The following CRYGD variants were observed in gnomAD, a reference collection of about 807,000 sequenced individuals.
CRYGD encodes the protein gamma-crystallin D.
Under a neutral mutation model 11.3 loss-of-function variants are expected in CRYGD, and 13 were observed. The observed-to-expected ratio is 1.15, with a 90% CI of 0.75 to 1.83. The LOEUF is 1.83. Among genes scored for constraint, CRYGD ranks in the 40% most tolerant of loss-of-function variants. CRYGD has a pLI of 0.00. For synonymous variants in CRYGD, 77 were observed against 89.5 expected (o/e 0.86, Z 0.79); for missense variants, 231 against 229.9 (o/e 1.00, Z -0.03).
rs778885136 is a variant in CRYGD at position 208,124,208 on chromosome 2, C to T, written c.156G>A (p.Ser52=). The part of the protein sequence containing the change: ...CWMLYEQPNY[S]GLQYFLRRGD... Reference sequence around the variant, plus strand: ...CGCGGCGCAGGAAGTACTGGAGGCCCGAGTAGTTGGGCTGCTCATAGAGCA... The same window carrying T: ...CGCGGCGCAGGAAGTACTGGAGGCCTGAGTAGTTGGGCTGCTCATAGAGCA... The change falls in exon 2 of 3, where the codon TCG becomes TCA. Residue 52 remains serine, a synonymous_variant. Transcript: ENST00000264376. 1.9e-6 allele frequency: 3 copies of T among 1,612,094 alleles called. No individual in the cohort carries two copies. The highest frequency in any genetic ancestry group is 2.5e-6 in the Non-Finnish European group (3 of 1,179,912).
chr2:208,123,283 A>T (rs1379640407), intron 2 of CRYGD, among the ~76,000 whole-genome samples: 1 of 146,908 alleles, frequency 6.8e-6, no homozygotes, highest in Non-Finnish European at 1.5e-5. Flanking sequence ...AAATATATTT[A>T]AAATATAAAA....
rs772874254 is a variant in CRYGD at position 208,124,095 on chromosome 2, C to T, written c.252+17G>A. ...AGTGTCCTGAGGGCCTGGGTCCTGA[C>T]TTGAGGATGTACTCACGTGGGGGAT... On this transcript the variant is annotated intron_variant, in intron 2 of 2. Coordinates refer to ENST00000264376, the MANE Select transcript of CRYGD (RefSeq NM_006891.4). 2.5e-6 allele frequency: 4 copies of T among 1,611,556 alleles called. No individual in the cohort carries two copies. Among genetic ancestry groups the T allele is most frequent in the African/African-American group, 2.7e-5 (2 of 74,870 alleles).
chr2:208,121,724 C>A lies in CRYGD; in HGVS notation c.474G>T (p.Gly158=), dbSNP rs1334837220. The A allele has an allele frequency of 6.2e-7, 1 of 1,613,856 alleles. No homozygotes were observed. Among genetic ancestry groups the A allele is most frequent in the Non-Finnish European group, 8.5e-7 (1 of 1,179,824 alleles). The change falls in exon 3 of 3, where the codon GGG becomes GGT. Residue 158 remains glycine, a synonymous_variant. Coordinates refer to ENST00000264376, the MANE Select transcript of CRYGD (RefSeq NM_006891.4). Reference sequence around the variant, plus strand: ...GAGAGCCCACTCTGGCATTCGTGGCCCCCCAGTCCTGGTAGCGCCTATAGT... The same window carrying A: ...GAGAGCCCACTCTGGCATTCGTGGCACCCCAGTCCTGGTAGCGCCTATAGT... The part of the protein sequence containing the change: ...PGDYRRYQDW[G]ATNARVGSLR...
intron 2 of CRYGD, 72 bp from the exon 3 acceptor site, chr2:208,122,017 A>G (rs949876007): frequency 1.2e-6 from 2 of 1,607,664 alleles, no homozygotes; most frequent in Non-Finnish European, 1.7e-6. Flanking sequence ...TAGGCAGTCC[A>G]GCTTGGTGAG....
At position 208,121,951 on chromosome 2, in the gene CRYGD, G is replaced by C; in HGVS notation, c.253-6C>G. The C allele has an allele frequency of 6.2e-7, 1 of 1,614,022 alleles. No individual in the cohort carries two copies. Among genetic ancestry groups the C allele is most frequent in the Non-Finnish European group, 8.5e-7 (1 of 1,180,036 alleles). Reference sequence around the variant, plus strand: ...CTGATCCTGTGAGAGCCAGACTGGCGGACCCAGAAATAAAAAGAGAAGAAA... The same window carrying C: ...CTGATCCTGTGAGAGCCAGACTGGCCGACCCAGAAATAAAAAGAGAAGAAA... On this transcript the variant is annotated splice_region_variant and splice_polypyrimidine_tract_variant and intron_variant, in intron 2 of 2. Transcript: ENST00000264376.
chr2:208,123,974 T>C, intron 2 of CRYGD, 138 bp downstream of exon 2: 1 of 1,305,238 alleles, frequency 7.7e-7, no homozygotes, highest in Non-Finnish European at 1.1e-6. Flanking sequence ...CAAACTCTAT[T>C]GACTTAATCC....
intron 2 of CRYGD, 105 bp downstream of exon 2, chr2:208,124,007 C>T (rs1694923347): frequency 2.6e-6 from 4 of 1,531,750 alleles, no homozygotes; most frequent in Non-Finnish European, 3.6e-6. Flanking sequence ...CTTTTGTCCA[C>T]TCTCAGTTAT....
intron 2 of CRYGD, among the ~76,000 whole-genome samples, chr2:208,123,139 T>G (rs938013747): frequency 1.6e-4 from 23 of 147,300 alleles, no homozygotes; most frequent in Non-Finnish European, 3.4e-4. Flanking sequence ...AAAAATATAT[T>G]AAAATATATT....
At chr2:208,124,022 A>T (rs573804176) in intron 2 of CRYGD, 90 bp downstream of exon 2, 12 of 1,578,480 alleles carry the variant, frequency 7.6e-6, no homozygotes, top group Non-Finnish European at 1.0e-5. Context: ...AGTTATTGTG[A>T]CTGATCACTA....
At chr2:208,123,988 A>G (rs971006188) in intron 2 of CRYGD, 124 bp downstream of exon 2, 2 of 1,405,494 alleles carry the variant, frequency 1.4e-6, no homozygotes, top group African/African-American at 1.4e-5. Flanking sequence ...TTAATCCACT[A>G]TAGTTCATCT....
In CRYGD at chr2:208,121,663, A is replaced by G. The variant is rs1272355317; in HGVS notation, c.*10T>C. The G allele has an allele frequency of 6.2e-7, 1 of 1,611,762 alleles. No individual in the cohort carries two copies. The highest frequency in any genetic ancestry group is 1.3e-5 in the African/African-American group (1 of 74,842). ...TTTCCAAATTAAGAAACAACAAAAG[A>G]GGACATATTTCAGGAGAAATCTATG... On this transcript the variant is annotated 3_prime_UTR_variant, in exon 3 of 3. Coordinates refer to ENST00000264376, the MANE Select transcript of CRYGD (RefSeq NM_006891.4).
At position 208,121,637 on chromosome 2, in the gene CRYGD, G is replaced by C; in HGVS notation, c.*36C>G. On this transcript the variant is annotated 3_prime_UTR_variant, in exon 3 of 3. Coordinates refer to ENST00000264376, the MANE Select transcript of CRYGD (RefSeq NM_006891.4). ...GGAACACACAGAAAATATTTTATTAGTTTCCAAATTAAGAAACAACAAAAG... is the reference window on the plus strand; with the variant it reads ...GGAACACACAGAAAATATTTTATTACTTTCCAAATTAAGAAACAACAAAAG... The C allele has an allele frequency of 6.2e-7, 1 of 1,604,838 alleles. No homozygotes were observed. Among genetic ancestry groups the C allele is most frequent in the Non-Finnish European group, 8.5e-7 (1 of 1,174,818 alleles).
At chr2:208,122,264 A>G (rs1694879220) in intron 2 of CRYGD, among the ~76,000 whole-genome samples, 1 of 151,518 alleles carries the variant, frequency 6.6e-6, no homozygotes, top group Non-Finnish European at 1.5e-5. Context: ...GCTTATTACT[A>G]TTTTATACCA....
chr2:208,123,109 T>C (rs1559317824), intron 2 of CRYGD, among the ~76,000 whole-genome samples: 1 of 147,318 alleles, frequency 6.8e-6, no homozygotes, highest in Non-Finnish European at 1.5e-5. Flanking sequence ...TACACACATA[T>C]AATGTAAATG....
rs775518016 is a variant in CRYGD at position 208,121,900 on chromosome 2, C to G, written c.298G>C (p.Gly100Arg). ...TCCTCAGTGAACTCTATCATCTGGC[C>G]TCTGTAGTCCTCTCTCTCATAGAGT... ...IRLYEREDYR[G>R]QMIEFTEDCS... is the part of the protein sequence containing the mutation. Residue 100 changes from glycine to arginine, a missense_variant, in exon 3 of 3, where the codon GGC becomes CGC. Coordinates refer to ENST00000264376, the MANE Select transcript of CRYGD (RefSeq NM_006891.4). 2 of 1,614,162 alleles carry G rather than the reference C, an allele frequency of 1.2e-6. No homozygotes were observed. Among genetic ancestry groups the G allele is most frequent in the South Asian group, 2.2e-5 (2 of 91,082 alleles).
At chr2:208,123,393 AAT>A (rs1694911344) in intron 2 of CRYGD, among the ~76,000 whole-genome samples, 1 of 147,542 alleles carries the variant, frequency 6.8e-6, no homozygotes. Context: ...ACATAAATAA[AAT>A]ATGTTAAATA....
Position 208,124,257 on chromosome 2 carries a change from G to A in CRYGD, c.107C>T (p.Ala36Val), listed in dbSNP as rs200234608. The A allele has an allele frequency of 5.5e-5, 88 of 1,611,868 alleles. 1 individual carries two copies. Among genetic ancestry groups the A allele is most frequent in the African/African-American group, 1.2e-4 (9 of 75,028 alleles). ...CATCCAGCAGCCGCTGTCCACGCGC[G>A]CCGAGTTGCAGCGGCTCAAGTAGGG... ...LQPYLSRCNS[A>V]RVDSGCWMLY... is the part of the protein sequence containing the mutation. Residue 36 changes from alanine (A) to valine (V), a missense_variant, in exon 2 of 3, where the codon GCG becomes GTG. Ala to Val is a moderately conservative substitution (Grantham distance 64, BLOSUM62 0). Coordinates refer to ENST00000264376, the MANE Select transcript of CRYGD (RefSeq NM_006891.4).
chr2:208,123,695 G>T (rs1323655845), intron 2 of CRYGD, among the ~76,000 whole-genome samples: 1 of 152,072 alleles, frequency 6.6e-6, no homozygotes, highest in Non-Finnish European at 1.5e-5. Context: ...ATATAGGTTG[G>T]GAAAACCCAA....
intron 2 of CRYGD, among the ~76,000 whole-genome samples, 173 bp from the exon 3 acceptor site, chr2:208,122,118 AC>A (rs1282535969): frequency 6.6e-6 from 1 of 152,138 alleles, no homozygotes; most frequent in Non-Finnish European, 1.5e-5. Context: ...GAGATTCAGT[AC>A]CTTTTCAAGA....
Sources: gnomAD v4.1 joint callset for allele counts (sites outside exome capture counted in the v4.1 genomes callset) on GRCh38, gnomAD v4.1.1 for gene constraint, MANE v1.5 for transcripts, NCBI Gene and HGNC (gene_info 2026-07-23, HGNC 2026-07-21) for gene names.